Variants in LRRC1 observed in about 807,000 individuals in gnomAD.
LRRC1 encodes the protein leucine-rich repeat-containing protein 1.
In LRRC1, 28 loss-of-function variants were observed where a neutral mutation model predicts 69.9. The ratio of observed to expected loss-of-function variants is 0.40; its 90% CI spans 0.30 to 0.55. LRRC1 has a LOEUF of 0.55. LRRC1 is among the 20% of genes least tolerant of loss of function. The pLI, the probability that LRRC1 is intolerant of heterozygous loss-of-function variation, is 0.47. For missense variants in LRRC1, 498 were observed against 609.0 expected (o/e 0.82, Z 1.92); for synonymous variants, 236 against 240.2 (o/e 0.98, Z 0.16).
chr6:53,903,898 C>G lies in LRRC1; in HGVS notation c.907-481C>G, dbSNP rs75622295. ...AGCCTGGTTCTGGTAGAGCTCTGCT[C>G]CCCACTCCAGGATGCTCACCTTTCT... On this transcript the variant is annotated intron_variant, in intron 9 of 13. Transcript: ENST00000370888. Among the ~76,000 whole-genome samples the G allele has an allele frequency of 4.4e-3, 667 of 152,324 alleles. 6 individuals carry two copies. Among genetic ancestry groups the G allele is most frequent in the African/African-American group, 0.015 (622 of 41,576 alleles).
intron 7 of LRRC1, among the ~76,000 whole-genome samples, chr6:53,898,325 C>G (rs781230903): frequency 7.2e-5 from 11 of 152,200 alleles, no homozygotes; most frequent in Non-Finnish European, 1.3e-4. Context: ...TTAGATTTCT[C>G]TAGGAAATAT....
chr6:53,830,833 A>G (rs774443024), intron 1 of LRRC1, among the ~76,000 whole-genome samples: 1 of 151,558 alleles, frequency 6.6e-6, no homozygotes, highest in South Asian at 2.1e-4. Context: ...GCATTATTCA[A>G]TAATGCCATT....
intron 1 of LRRC1, among the ~76,000 whole-genome samples, chr6:53,810,904 A>G (rs1262569051): frequency 6.6e-6 from 1 of 151,922 alleles, no homozygotes; most frequent in African/African-American, 2.4e-5. Context: ...CAATCTGTCA[A>G]CGTCTCTGCT....
At chr6:53,850,802 A>C (rs1230716899) in intron 2 of LRRC1, among the ~76,000 whole-genome samples, 1 of 152,172 alleles carries the variant, frequency 6.6e-6, no homozygotes, top group Middle Eastern at 3.2e-3. Context: ...TGTGCTCCAT[A>C]GAGTCTTTCA....
intron 2 of LRRC1, among the ~76,000 whole-genome samples, chr6:53,860,760 T>G (rs1766471366): frequency 6.6e-6 from 1 of 152,224 alleles, no homozygotes; most frequent in Non-Finnish European, 1.5e-5. Context: ...AACAAAGCCT[T>G]CAGTGCAGGC....
chr6:53,900,026 T>G (rs1410768487), intron 8 of LRRC1, 135 bp downstream of exon 8: 4 of 150,406 alleles, frequency 2.7e-5, no homozygotes, highest in African/African-American at 1.6e-4. Flanking sequence ...TACTGTTTTT[T>G]TTTTTTTTTT....
intron 11 of LRRC1, 148 bp downstream of exon 11, chr6:53,914,117 T>A: frequency 1.7e-6 from 1 of 573,064 alleles, no homozygotes. Context: ...GGGAGTTCCT[T>A]CATAGGGGGG....
chr6:53,843,712 G>A (rs1435468634), intron 2 of LRRC1, among the ~76,000 whole-genome samples: 1 of 152,116 alleles, frequency 6.6e-6, no homozygotes, highest in African/African-American at 2.4e-5. Flanking sequence ...CACCAAGCTT[G>A]CATTTGACAC....
chr6:53,839,819 C>T (rs1019360675), intron 1 of LRRC1, among the ~76,000 whole-genome samples: 9 of 151,844 alleles, frequency 5.9e-5, no homozygotes, highest in African/African-American at 2.2e-4. Context: ...AATTAATAAC[C>T]CTCTTTCCTT....
intron 1 of LRRC1, among the ~76,000 whole-genome samples, chr6:53,830,470 T>A (rs1340806744): frequency 6.6e-6 from 1 of 152,244 alleles, no homozygotes; most frequent in Non-Finnish European, 1.5e-5. Context: ...TGGATTAATA[T>A]TAGAATTTAA....
intron 1 of LRRC1, among the ~76,000 whole-genome samples, chr6:53,811,216 T>C (rs1024838671): frequency 2.6e-5 from 4 of 152,212 alleles, no homozygotes; most frequent in East Asian, 1.9e-4. Context: ...GGCCCAGTGA[T>C]GACAGGAGCA....
At chr6:53,905,535 G>T (rs1436449112) in intron 10 of LRRC1, among the ~76,000 whole-genome samples, 3 of 152,050 alleles carry the variant, frequency 2.0e-5, no homozygotes, top group Non-Finnish European at 1.5e-5. Context: ...TGGATGATAT[G>T]ATCACTGGCT....
Position 53,812,621 on chromosome 6 carries a change from C to T in LRRC1, c.159+17206C>T, listed in dbSNP as rs1035058744. On this transcript the variant is annotated intron_variant, in intron 1 of 13. Coordinates refer to ENST00000370888, the MANE Select transcript of LRRC1 (RefSeq NM_018214.5). The stretch of plus-strand genomic sequence containing the variant: ...AGGAGAATGGCGTGAACCCGGGAGG[C>T]GGAGCTTGCAGTGAGCCGAGATCGC... Among the ~76,000 whole-genome samples, 19 of 133,364 alleles carry T rather than the reference C, an allele frequency of 1.4e-4. No homozygotes were observed. The East Asian group carries it at 2.2e-3, about 15-fold the overall frequency. The allele number at this position is 133,364 out of a possible 152,430, so 87.5% of individuals were successfully genotyped here.
chr6:53,808,205 T>A (rs1764691113), intron 1 of LRRC1, among the ~76,000 whole-genome samples: 1 of 152,228 alleles, frequency 6.6e-6, no homozygotes, highest in Admixed American at 6.5e-5. Context: ...AGTGAAGTGC[T>A]GCTGGTGACG....
rs11387003 is a variant in LRRC1 at position 53,827,310 on chromosome 6, C to CAAA, written c.160-14786_160-14784dup. Among the ~76,000 whole-genome samples, 324 of 125,990 alleles carry CAAA rather than the reference C, an allele frequency of 2.6e-3. 3 individuals are homozygous for CAAA. The highest frequency in any genetic ancestry group is 3.5e-3 in the Non-Finnish European group (208 of 59,478). 82.7% of individuals were successfully genotyped at this position (125,990 alleles called of 152,430 possible). On this transcript the variant is annotated intron_variant, in intron 1 of 13. Coordinates refer to ENST00000370888, the MANE Select transcript of LRRC1 (RefSeq NM_018214.5). ...AAATGAAATCGAATAAACACTTCCACAAAAAAAAAAAAAAAACAGTTGAAG... is the reference window on the plus strand; with the variant it reads ...AAATGAAATCGAATAAACACTTCCACAAAAAAAAAAAAAAAAAAACAGTTGAAG...
chr6:53,804,731 G>A (rs1764590044), intron 1 of LRRC1, among the ~76,000 whole-genome samples: 1 of 152,094 alleles, frequency 6.6e-6, no homozygotes, highest in Non-Finnish European at 1.5e-5. Context: ...TTATTACTTT[G>A]TATACCTGTG....
chr6:53,804,697 A>G (rs1226220971), intron 1 of LRRC1, among the ~76,000 whole-genome samples: 1 of 152,228 alleles, frequency 6.6e-6, no homozygotes, highest in Non-Finnish European at 1.5e-5. Context: ...ATGATGAGCC[A>G]TGCTGAATTA....
chr6:53,919,493 A>AAC lies in LRRC1; in HGVS notation c.1107-3_1107-2dup, dbSNP rs1554187414. 2 of 1,530,236 alleles carry AAC rather than the reference A, an allele frequency of 1.3e-6. No homozygotes were observed. Among genetic ancestry groups the AAC allele is most frequent in the African/African-American group, 2.9e-5 (2 of 70,022 alleles). The allele number at this position is 1,530,236 out of a possible 1,614,324, so 94.8% of individuals were successfully genotyped here. On this transcript the variant is annotated splice_polypyrimidine_tract_variant and splice_region_variant and intron_variant, in intron 11 of 13. Coordinates refer to ENST00000370888, the MANE Select transcript of LRRC1 (RefSeq NM_018214.5). ...CTCTTTTTTTAAAAAAAAAAAAAAAAACAGGTTGCTGCATCTACCTTTATC... is the reference window on the plus strand; with the variant it reads ...CTCTTTTTTTAAAAAAAAAAAAAAAAACACAGGTTGCTGCATCTACCTTTATC...
intron 1 of LRRC1, among the ~76,000 whole-genome samples, chr6:53,833,771 G>A (rs769981756): frequency 3.9e-5 from 6 of 152,132 alleles, no homozygotes; most frequent in Non-Finnish European, 8.8e-5. Flanking sequence ...GATGGGCAGG[G>A]AGAAATATCT....
Sources: gnomAD v4.1 joint callset for allele counts (sites outside exome capture counted in the v4.1 genomes callset) on GRCh38, gnomAD v4.1.1 for gene constraint, MANE v1.5 for transcripts, NCBI Gene and HGNC (gene_info 2026-07-23, HGNC 2026-07-21) for gene names.